Variants in SPAG17 observed in about 807,000 individuals in gnomAD.
The protein encoded by SPAG17 is sperm associated antigen 17, also known as sperm-associated antigen 17.
SPAG17 carries 169 observed loss-of-function variants against 273.6 expected under a neutral mutation model. The observed-to-expected ratio is 0.62, with a 90% CI of 0.55 to 0.70. The LOEUF is 0.70. Ranked by LOEUF, SPAG17 falls within the 30% of genes least tolerant of loss-of-function variation. The pLI, the probability that SPAG17 is intolerant of heterozygous loss-of-function variation, is 0.00. For missense variants in SPAG17, 2,557 were observed against 2,627.8 expected, an observed-to-expected ratio of 0.97 and a Z score of 0.59; for synonymous variants, 825 against 873.2, an observed-to-expected ratio of 0.94 and a Z score of 0.97.
chr1:118,083,058 G>C (rs1466923779), intron 13 of SPAG17, among the ~76,000 whole-genome samples: 5 of 152,204 alleles, frequency 3.3e-5, no homozygotes, highest in Non-Finnish European at 7.4e-5. Context: ...CTGGAGTGCA[G>C]GTGATTCTCC....
At chr1:118,099,927 A>G in intron 5 of SPAG17, 127 bp from the exon 6 acceptor site, 1 of 739,866 alleles carries the variant, frequency 1.4e-6, no homozygotes, top group Non-Finnish European at 2.1e-6. Context: ...AAAATGATCC[A>G]GTTGGCTGGA....
At chr1:118,183,010 A>C (rs565680202) in intron 1 of SPAG17, among the ~76,000 whole-genome samples, 16 of 152,250 alleles carry the variant, frequency 1.1e-4, no homozygotes, top group Non-Finnish European at 2.1e-4. Context: ...GGTAAATTCA[A>C]TAAAACCAAA....
intron 18 of SPAG17, among the ~76,000 whole-genome samples, chr1:118,064,523 C>G (rs1172804662): frequency 7.1e-6 from 1 of 141,602 alleles, no homozygotes; most frequent in Non-Finnish European, 1.5e-5. Flanking sequence ...ACTCATAGGT[C>G]GGAATTGAAC....
At position 118,172,974 on chromosome 1, in the gene SPAG17, GC is replaced by G. The variant is rs1470894783; in HGVS notation, c.87+12096del. On this transcript the variant is annotated intron_variant, in intron 1 of 48. Coordinates refer to ENST00000336338, the MANE Select transcript of SPAG17 (RefSeq NM_206996.4). ...TTTTTTATAAATTGTCATGAACAAA[GC>G]TTTTACTCATCTCTCTCTTCCCAGC... 2.0e-5 allele frequency among the ~76,000 whole-genome samples: 3 copies of G among 151,918 alleles called. No individual in the cohort carries two copies. The East Asian group carries it at 5.8e-4, about 29-fold the overall frequency.
chr1:118,124,040 A>G (rs1657565331), intron 3 of SPAG17, among the ~76,000 whole-genome samples: 1 of 152,260 alleles, frequency 6.6e-6, no homozygotes, highest in Non-Finnish European at 1.5e-5. Flanking sequence ...GAAAAAGCAA[A>G]GCTTCCTTTT....
chr1:118,026,702 C>T (rs1455196598), intron 26 of SPAG17, among the ~76,000 whole-genome samples: 2 of 152,020 alleles, frequency 1.3e-5, no homozygotes, highest in Non-Finnish European at 1.5e-5. Flanking sequence ...GCACTAAGGA[C>T]GCACAGCCAG....
Position 118,008,144 on chromosome 1 carries a change from G to T in SPAG17, c.4487C>A (p.Ser1496Ter). The change falls in exon 31 of 49, where the codon TCA becomes TAA. Residue 1496 changes from serine (S) to a stop codon, truncating the protein, a stop_gained. Coordinates refer to ENST00000336338, the MANE Select transcript of SPAG17 (RefSeq NM_206996.4). LOFTEE classifies it high-confidence loss of function. ...GTTGGCGATAACAGTGGCATAGCGT[G>T]AGCTTTCTACCCGCATACACTTCAC... ...RQVKCMRVES[S>*]RYATVIANCE... 6.2e-7 allele frequency: 1 copy of T among 1,614,040 alleles called. No homozygotes were observed. The highest frequency in any genetic ancestry group is 8.5e-7 in the Non-Finnish European group (1 of 1,179,984).
intron 7 of SPAG17, among the ~76,000 whole-genome samples, chr1:118,097,121 G>C (rs1385942001): frequency 6.6e-6 from 1 of 151,914 alleles, no homozygotes; most frequent in South Asian, 2.1e-4. Context: ...TGTAGTCCCA[G>C]CTACATGGGA....
chr1:118,159,186 C>T (rs1659793861), intron 1 of SPAG17, among the ~76,000 whole-genome samples: 1 of 152,188 alleles, frequency 6.6e-6, no homozygotes, highest in Non-Finnish European at 1.5e-5. Context: ...GATGTTTAGA[C>T]AACACTGTAC....
intron 31 of SPAG17, among the ~76,000 whole-genome samples, chr1:118,005,860 G>C (rs12136796): frequency 0.053 from 8,043 of 152,098 alleles, 436 homozygotes; most frequent in East Asian, 0.3. Context: ...CTAACTAATT[G>C]TCTTATGCCC....
At chr1:118,007,846 A>G (rs979468230) in intron 31 of SPAG17, among the ~76,000 whole-genome samples, 198 bp downstream of exon 31, 5 of 152,214 alleles carry the variant, frequency 3.3e-5, no homozygotes, top group African/African-American at 1.2e-4. Context: ...CAAGCAGGAC[A>G]ATGTTTTTCT....
chr1:117,994,646 T>A, intron 34 of SPAG17, 116 bp from the exon 35 acceptor site: 2 of 1,061,786 alleles, frequency 1.9e-6, no homozygotes, highest in Non-Finnish European at 2.7e-6. Context: ...CATGAAAGAC[T>A]AATGAGACAC....
At chr1:118,125,225 G>A (rs1440241929) in intron 3 of SPAG17, among the ~76,000 whole-genome samples, 3 of 143,720 alleles carry the variant, frequency 2.1e-5, no homozygotes, top group African/African-American at 5.8e-5. Context: ...ATTTTTTATT[G>A]TATTCATATA....
Position 117,983,705 on chromosome 1 carries a change from G to A in SPAG17, c.5872+106C>T, listed in dbSNP as rs1656084688. The stretch of plus-strand genomic sequence containing the variant: ...CCAGATCTGTCATATGCAGGTCACT[G>A]TAGGCTATGTCATCAGCTATCACTG... On this transcript the variant is annotated intron_variant, in intron 42 of 48. Transcript: ENST00000336338. 1.3e-5 allele frequency: 8 copies of A among 614,294 alleles called. No individual in the cohort carries two copies. In the South Asian group the frequency reaches 2.0e-4, roughly 16 times the overall value. The allele number at this position is 614,294 out of a possible 1,614,324, so 38.1% of individuals were successfully genotyped here.
At chr1:117,986,688 A>G (rs1179078076) in intron 40 of SPAG17, among the ~76,000 whole-genome samples, 1 of 152,184 alleles carries the variant, frequency 6.6e-6, no homozygotes, top group Non-Finnish European at 1.5e-5. Context: ...CTCTCAGGCA[A>G]TCACTGTCTC....
chr1:118,164,976 C>T (rs1326435121), intron 1 of SPAG17, among the ~76,000 whole-genome samples: 4 of 152,176 alleles, frequency 2.6e-5, no homozygotes, highest in Admixed American at 6.5e-5. Flanking sequence ...CTTGCTCAGC[C>T]TGGTCCTTTT....
chr1:118,059,226 C>A (rs1420416311), intron 18 of SPAG17, among the ~76,000 whole-genome samples: 1 of 152,102 alleles, frequency 6.6e-6, no homozygotes, highest in Non-Finnish European at 1.5e-5. Flanking sequence ...TTGGTCATAT[C>A]ATCTAGCCCC....
chr1:118,160,490 C>G (rs548142793), intron 1 of SPAG17, among the ~76,000 whole-genome samples: 2 of 152,332 alleles, frequency 1.3e-5, no homozygotes, highest in African/African-American at 4.8e-5. Context: ...GCCATCCATG[C>G]TGTTGCTTGG....
intron 13 of SPAG17, 125 bp from the exon 14 acceptor site, chr1:118,081,767 T>C: frequency 4.0e-6 from 3 of 747,468 alleles, no homozygotes; most frequent in Non-Finnish European, 4.4e-6. Context: ...CAATGGCTGT[T>C]GAGCTGATTT....
Sources: gnomAD v4.1 joint callset for allele counts (sites outside exome capture counted in the v4.1 genomes callset) on GRCh38, gnomAD v4.1.1 for gene constraint, MANE v1.5 for transcripts, NCBI Gene and HGNC (gene_info 2026-07-23, HGNC 2026-07-21) for gene names.